Variants in GRIP1 observed in about 807,000 individuals in gnomAD.
The protein encoded by GRIP1 is glutamate receptor interacting protein 1, also known as glutamate receptor-interacting protein 1.
A neutral mutation model predicts 129.9 loss-of-function variants in GRIP1; 45 were observed. The ratio of observed to expected loss-of-function variants is 0.35; its 90% CI spans 0.27 to 0.44. The LOEUF is 0.44. Ranked by LOEUF, GRIP1 falls within the 20% of genes least tolerant of loss-of-function variation. The pLI is 1.00. For missense variants in GRIP1, 1,196 were observed against 1,396.8 expected (o/e 0.86, Z 2.29); for synonymous variants, 530 against 520.8 (o/e 1.02, Z -0.24).
At chr12:66,694,167 A>C (rs1477750310) in intron 1 of GRIP1, among the ~76,000 whole-genome samples, 1 of 152,174 alleles carries the variant, frequency 6.6e-6, no homozygotes, top group Non-Finnish European at 1.5e-5. Flanking sequence ...CATACTAGAC[A>C]GGGGTCCTTG....
chr12:66,758,160 C>G (rs1374238266), intron 1 of GRIP1, among the ~76,000 whole-genome samples: 1 of 152,078 alleles, frequency 6.6e-6, no homozygotes, highest in Admixed American at 6.5e-5. Context: ...ATACCTGAAA[C>G]TGGGAACAAA....
intron 1 of GRIP1, among the ~76,000 whole-genome samples, chr12:66,838,535 C>T (rs200461714): frequency 1.3e-5 from 2 of 152,160 alleles, no homozygotes; most frequent in East Asian, 1.9e-4. Flanking sequence ...GCACAACACG[C>T]TCATTCACGC....
intron 1 of GRIP1, among the ~76,000 whole-genome samples, chr12:66,843,139 G>C (rs2039751157): frequency 6.6e-6 from 1 of 152,030 alleles, no homozygotes; most frequent in Non-Finnish European, 1.5e-5. Context: ...GCCAGTTCCT[G>C]AAGAGTATAC....
In GRIP1 at chr12:66,392,809, C is replaced by T. The variant is rs1592753776; in HGVS notation, c.2137G>A (p.Ala713Thr). ...TKGGLAERTG[A>T]IHIGDRILAI... is the part of the protein sequence containing the mutation. ...AGGATTCGGTCTCCTATGTGGATTG[C>T]GCCAGTTCTGAAAAGCCAAATAGTA... The change falls in exon 18 of 25, where the codon GCA becomes ACA. Residue 713 changes from alanine (A) to threonine (T), a missense_variant. By Grantham distance (58) the Ala-to-Thr change is moderately conservative (BLOSUM62 0). Coordinates refer to ENST00000359742, the MANE Select transcript of GRIP1 (RefSeq NM_001366722.1). 3.7e-6 allele frequency: 6 copies of T among 1,613,922 alleles called. No individual in the cohort carries two copies. Among genetic ancestry groups the T allele is most frequent in the Non-Finnish European group, 5.1e-6 (6 of 1,179,888 alleles).
At chr12:66,892,795 C>CA (rs2040683822) in intron 1 of GRIP1, among the ~76,000 whole-genome samples, 1 of 152,038 alleles carries the variant, frequency 6.6e-6, no homozygotes, top group African/African-American at 2.4e-5. Context: ...CCCATCTCTA[C>CA]AAAAATTTCA....
At chr12:66,604,444 C>A (rs79168237) in intron 1 of GRIP1, among the ~76,000 whole-genome samples, 3,183 of 152,274 alleles carry the variant, frequency 0.021, 111 homozygotes, top group African/African-American at 0.072. Context: ...CAGTCACAGA[C>A]CTGCCTCATC....
chr12:66,636,719 G>C (rs909743668), intron 1 of GRIP1, among the ~76,000 whole-genome samples: 1,551 of 88,152 alleles, frequency 0.018, 39 homozygotes, highest in South Asian at 0.1. Context: ...AGATCTCTGT[G>C]TGTGTGTGTG....
At chr12:66,842,115 T>C (rs1364778290) in intron 1 of GRIP1, among the ~76,000 whole-genome samples, 1 of 152,010 alleles carries the variant, frequency 6.6e-6, no homozygotes, top group African/African-American at 2.4e-5. Context: ...TTCTAAAAAC[T>C]AAAAGTATAT....
intron 1 of GRIP1, among the ~76,000 whole-genome samples, chr12:67,006,255 T>C (rs2042624456): frequency 6.6e-6 from 1 of 152,132 alleles, no homozygotes; most frequent in Non-Finnish European, 1.5e-5. Context: ...AGTAGGCTGC[T>C]AGGCACCAAC....
At chr12:66,847,547 A>G (rs2039839667) in intron 1 of GRIP1, among the ~76,000 whole-genome samples, 1 of 152,182 alleles carries the variant, frequency 6.6e-6, no homozygotes, top group Non-Finnish European at 1.5e-5. Flanking sequence ...AGATGTTGCT[A>G]TCCATTACAC....
intron 1 of GRIP1, among the ~76,000 whole-genome samples, chr12:66,975,019 T>C (rs774829855): frequency 5.3e-5 from 8 of 152,174 alleles, no homozygotes; most frequent in Non-Finnish European, 1.0e-4. Flanking sequence ...TTTTGGAATC[T>C]GGGGGGTCAA....
rs184214024 is a variant in GRIP1, at chr12:66,924,882, A to C, written c.58+144168T>G. ...CTACTCGGGAGGCTGAGGCAGGAGA[A>C]TGGTGTGAACCCGGGAGGTGGAGCT... On this transcript the variant is annotated intron_variant, in intron 1 of 1. Transcript: ENST00000643019. Among the ~76,000 whole-genome samples, 268 of 152,316 alleles carry C rather than the reference A, an allele frequency of 1.8e-3. 1 individual carries two copies. Among genetic ancestry groups the C allele is most frequent in the African/African-American group, 6.0e-3 (249 of 41,568 alleles).
intron 14 of GRIP1, among the ~76,000 whole-genome samples, chr12:66,429,862 T>TAA (rs1387171204): frequency 6.6e-6 from 1 of 152,138 alleles, no homozygotes; most frequent in Non-Finnish European, 1.5e-5. Context: ...ATGAAGAAGG[T>TAA]AATATGTACA....
At chr12:66,756,153 C>A (rs1349747566) in intron 1 of GRIP1, among the ~76,000 whole-genome samples, 1 of 152,174 alleles carries the variant, frequency 6.6e-6, no homozygotes, top group Non-Finnish European at 1.5e-5. Flanking sequence ...TCTTGCAAAA[C>A]TGAAACCCCA....
chr12:66,992,469 C>T lies in GRIP1; in HGVS notation c.58+76581G>A, dbSNP rs183667267. Among the ~76,000 whole-genome samples, 431 of 152,196 alleles carry T rather than the reference C, an allele frequency of 2.8e-3. 3 individuals are homozygous for T. Among genetic ancestry groups the T allele is most frequent in the African/African-American group, 0.01 (419 of 41,532 alleles). ...AGTATAGAGCCAAATAGGTAGGTGG[C>T]TTTTTCAGAGGTATTTAAATATCAA... On this transcript the variant is annotated intron_variant, in intron 1 of 1. Transcript: ENST00000643019.
chr12:66,698,583 G>A (rs1283564129), intron 1 of GRIP1, among the ~76,000 whole-genome samples: 3 of 152,066 alleles, frequency 2.0e-5, no homozygotes, highest in East Asian at 1.9e-4. Flanking sequence ...TAGAAATCTC[G>A]GCAGAGTTAT....
chr12:66,890,656 GA>G (rs1479992250), intron 1 of GRIP1, among the ~76,000 whole-genome samples: 4 of 151,882 alleles, frequency 2.6e-5, no homozygotes, highest in Non-Finnish European at 4.4e-5. Flanking sequence ...AAAATTAGGG[GA>G]AAAAAGAATA....
intron 1 of GRIP1, among the ~76,000 whole-genome samples, chr12:66,792,617 T>C (rs1175232451): frequency 6.6e-6 from 1 of 152,172 alleles, no homozygotes; most frequent in African/African-American, 2.4e-5. Flanking sequence ...TATGGGACTA[T>C]CTCTGAGGTT....
intron 1 of GRIP1, among the ~76,000 whole-genome samples, chr12:66,815,882 T>C (rs7315806): frequency 0.079 from 5,929 of 75,008 alleles, 321 homozygotes; most frequent in African/African-American, 0.2. Context: ...CTCTCTCTCT[T>C]TCTTTCTTTC....
Sources: allele counts gnomAD v4.1 joint callset (sites outside exome capture counted in the v4.1 genomes callset), GRCh38; gene constraint gnomAD v4.1.1; transcripts MANE v1.5; gene names NCBI Gene and HGNC (gene_info 2026-07-23, HGNC 2026-07-21).